Variants in KCNH5 observed in about 807,000 individuals in gnomAD.
KCNH5 encodes potassium voltage-gated channel subfamily H member 5.
KCNH5 carries 46 observed loss-of-function variants against 96.1 expected under a neutral mutation model. The ratio of observed to expected loss-of-function variants is 0.48; its 90% confidence interval spans 0.38 to 0.61. The LOEUF is 0.61. KCNH5 is among the 20% of genes least tolerant of loss of function. KCNH5 has a pLI of 0.00. For missense variants in KCNH5, 907 were observed against 1,225.8 expected (o/e 0.74, Z 3.88); for synonymous variants, 439 against 449.8 (o/e 0.98, Z 0.30).
chr14:62,868,411 T>C (rs547287863), intron 7 of KCNH5, among the ~76,000 whole-genome samples: 2 of 152,356 alleles, frequency 1.3e-5, no homozygotes, highest in African/African-American at 4.8e-5. Context: ...CCTATTAGGT[T>C]GGTGCAAAAG....
At chr14:62,877,281 T>A (rs531478864) in intron 7 of KCNH5, among the ~76,000 whole-genome samples, 259 of 151,702 alleles carry the variant, frequency 1.7e-3, no homozygotes, top group African/African-American at 6.0e-3. Flanking sequence ...GACATAGGCA[T>A]GGGCAAGGAC....
chr14:62,944,817 T>A lies in KCNH5; in HGVS notation c.1369+5316A>T, dbSNP rs191099043. On this transcript the variant is annotated intron_variant, in intron 7 of 10. Coordinates refer to ENST00000322893, the MANE Select transcript of KCNH5 (RefSeq NM_139318.5). ...AAAGGGAAATTTAAAGGTATCTCCC[T>A]GGAATACTCTGGCTATAGAAACTGG... Among the ~76,000 whole-genome samples the A allele has an allele frequency of 1.4e-4, 22 of 152,250 alleles. 1 individual carries two copies. In the East Asian group the frequency reaches 4.1e-3, roughly 28 times the overall value.
intron 10 of KCNH5, among the ~76,000 whole-genome samples, chr14:62,774,964 A>T (rs1196469189): frequency 6.6e-6 from 1 of 152,232 alleles, no homozygotes; most frequent in East Asian, 1.9e-4. Context: ...AGGATTGCAA[A>T]GGAAACATAT....
intron 5 of KCNH5, among the ~76,000 whole-genome samples, chr14:62,983,792 C>T (rs754321768): frequency 6.6e-6 from 1 of 152,148 alleles, no homozygotes; most frequent in Non-Finnish European, 1.5e-5. Context: ...CTCAGAGAAT[C>T]TATATTTTCA....
At chr14:62,810,751 T>C (rs1164582978) in intron 8 of KCNH5, among the ~76,000 whole-genome samples, 1 of 152,106 alleles carries the variant, frequency 6.6e-6, no homozygotes, top group African/African-American at 2.4e-5. Flanking sequence ...GAAATAACCA[T>C]AAAAATGGGC....
chr14:62,846,678 T>C (rs1887697623), intron 8 of KCNH5, among the ~76,000 whole-genome samples: 1 of 151,670 alleles, frequency 6.6e-6, no homozygotes, highest in African/African-American at 2.4e-5. Flanking sequence ...TCCTTATTTA[T>C]AGTGGAATCT....
chr14:63,042,601 T>C (rs1891845778), intron 1 of KCNH5, among the ~76,000 whole-genome samples: 1 of 152,178 alleles, frequency 6.6e-6, no homozygotes, highest in African/African-American at 2.4e-5. Flanking sequence ...CTTTCAATGT[T>C]GTTAAGTTAG....
intron 7 of KCNH5, among the ~76,000 whole-genome samples, chr14:62,874,709 C>T (rs1888333511): frequency 6.9e-6 from 1 of 144,860 alleles, no homozygotes; most frequent in African/African-American, 2.6e-5. Context: ...TAAGAGCTAT[C>T]TATGACAAAC....
intron 1 of KCNH5, among the ~76,000 whole-genome samples, chr14:63,031,829 A>C: frequency 6.6e-6 from 1 of 152,162 alleles, no homozygotes; most frequent in South Asian, 2.1e-4. Context: ...TAATCATTTC[A>C]CTATTTATAT....
In KCNH5 at chr14:62,874,554, T is replaced by C. The variant is rs533464880; in HGVS notation, c.1370-24702A>G. ...GGTTCAATATACGCAAATCAATAAA[T>C]GTAATCCAGCATATAAACAGAGCCA... On this transcript the variant is annotated intron_variant, in intron 7 of 10. Transcript: ENST00000322893. Among the ~76,000 whole-genome samples, 1,164 of 152,044 alleles carry C rather than the reference T, an allele frequency of 7.7e-3. 6 individuals are homozygous for C. The highest frequency in any genetic ancestry group is 0.024 in the African/African-American group (983 of 41,504).
intron 10 of KCNH5, among the ~76,000 whole-genome samples, chr14:62,735,527 G>C (rs1196034405): frequency 8.5e-5 from 13 of 152,080 alleles, no homozygotes; most frequent in Admixed American, 8.5e-4. Flanking sequence ...ACTGGGATCA[G>C]GATAATAATT....
At chr14:63,003,608 T>TTATATTTATATATATA (rs1341059390) in intron 3 of KCNH5, among the ~76,000 whole-genome samples, 3 of 115,482 alleles carry the variant, frequency 2.6e-5, no homozygotes, top group African/African-American at 1.1e-4. Context: ...ATATTTATAT[T>TTATATTTATATATATA]TATATATATA....
At position 62,700,673 on chromosome 14, in the gene KCNH5, T is replaced by C. The variant is rs1048916590; in HGVS notation, c.*6835A>G. ...TTAAATACTTAGGACTATCAAACAC[T>C]GTAACATGGAATTATAAATGAATCT... On this transcript the variant is annotated 3_prime_UTR_variant, in exon 11 of 11. Transcript: ENST00000322893. 1.3e-5 allele frequency: 2 copies of C among 152,204 alleles called. No homozygotes were observed. The highest frequency in any genetic ancestry group is 4.8e-5 in the African/African-American group (2 of 41,472). 9.4% of individuals were successfully genotyped at this position (152,204 alleles called of 1,614,324 possible). A position where few individuals can be genotyped will look rare whatever the true frequency, so the allele number is the denominator to read the frequency against.
chr14:62,822,339 G>A (rs1288971862), intron 8 of KCNH5, among the ~76,000 whole-genome samples: 1 of 152,028 alleles, frequency 6.6e-6, no homozygotes, highest in Non-Finnish European at 1.5e-5. Flanking sequence ...CGATTAAGGA[G>A]GAGAAATCAC....
intron 10 of KCNH5, among the ~76,000 whole-genome samples, chr14:62,755,622 C>T (rs1465574815): frequency 6.6e-6 from 1 of 151,930 alleles, no homozygotes; most frequent in South Asian, 2.1e-4. Flanking sequence ...AACAAAGATG[C>T]ATCGAAAAAA....
At chr14:62,948,018 C>T (rs1889925626) in intron 7 of KCNH5, among the ~76,000 whole-genome samples, 1 of 151,788 alleles carries the variant, frequency 6.6e-6, no homozygotes, top group South Asian at 2.1e-4. Flanking sequence ...TGATGTTCCC[C>T]TTCCTGTGTC....
chr14:62,818,019 A>G (rs1184667011), intron 8 of KCNH5, among the ~76,000 whole-genome samples: 2 of 147,380 alleles, frequency 1.4e-5, no homozygotes, highest in African/African-American at 5.0e-5. Flanking sequence ...ATGAATAAAG[A>G]CTAATACTGC....
intron 7 of KCNH5, among the ~76,000 whole-genome samples, chr14:62,908,398 CAA>C (rs1889071933): frequency 6.6e-6 from 1 of 152,128 alleles, no homozygotes; most frequent in African/African-American, 2.4e-5. Flanking sequence ...CTCAGTAACA[CAA>C]AAAGAGCCTC....
At chr14:62,734,800 T>C (rs981062338) in intron 10 of KCNH5, among the ~76,000 whole-genome samples, 2 of 152,184 alleles carry the variant, frequency 1.3e-5, no homozygotes, top group Non-Finnish European at 2.9e-5. Flanking sequence ...CACAGTAACT[T>C]GAATCATAGC....
Sources: allele counts gnomAD v4.1 joint callset (sites outside exome capture counted in the v4.1 genomes callset), GRCh38; gene constraint gnomAD v4.1.1; transcripts MANE v1.5; gene names NCBI Gene and HGNC (gene_info 2026-07-23, HGNC 2026-07-21).